Variants in TLN2 observed in about 807,000 individuals in gnomAD.
TLN2 encodes talin 2.
Under a neutral mutation model 294.7 loss-of-function variants are expected in TLN2, and 118 were observed. That is an observed-to-expected ratio of 0.40 (90% CI 0.34 to 0.47). TLN2 has a LOEUF of 0.47. TLN2 is among the 20% of genes least tolerant of loss of function. The pLI is 0.84. For missense variants in TLN2, 3,083 were observed against 3,282.2 expected, an observed-to-expected ratio of 0.94 and a Z score of 1.48; for synonymous variants, 1,431 against 1,304.5, an observed-to-expected ratio of 1.10 and a Z score of -2.09.
chr15:62,840,648 C>T lies in TLN2; in HGVS notation c.*38C>T. ...AGATGGCGAGCCCCAGGGGATGGCC[C>T]TGGCTGAACTGGACAGACAGTGTTC... On this transcript the variant is annotated 3_prime_UTR_variant, in exon 59 of 59. Transcript: ENST00000636159. 1 of 1,604,438 alleles carries T rather than the reference C, an allele frequency of 6.2e-7. No homozygotes were observed. Among genetic ancestry groups the T allele is most frequent in the South Asian group, 1.1e-5 (1 of 89,474 alleles).
At chr15:62,448,654 A>G (rs1215192788) in intron 1 of TLN2, among the ~76,000 whole-genome samples, 1 of 152,186 alleles carries the variant, frequency 6.6e-6, no homozygotes, top group Non-Finnish European at 1.5e-5. Flanking sequence ...CACAGAGAGA[A>G]ATGCTGAGGT....
rs117471225 is a variant in TLN2 at position 62,781,780 on chromosome 15, A to G, written c.5616+539A>G. 4.2e-3 allele frequency among the ~76,000 whole-genome samples: 635 copies of G among 152,348 alleles called. 1 individual carries two copies. Among genetic ancestry groups the G allele is most frequent in the Non-Finnish European group, 5.9e-3 (399 of 68,034 alleles). ...AAAAAAAATTCCGACAGTAGAAGGCATACAACTTTTGGAGGTAATGTTTTG... is the reference window on the plus strand; with the variant it reads ...AAAAAAAATTCCGACAGTAGAAGGCGTACAACTTTTGGAGGTAATGTTTTG... On this transcript the variant is annotated intron_variant, in intron 44 of 58. Coordinates refer to ENST00000636159, the MANE Select transcript of TLN2 (RefSeq NM_015059.3).
intron 46 of TLN2, among the ~76,000 whole-genome samples, chr15:62,795,193 T>A (rs2065383141): frequency 6.6e-6 from 1 of 152,052 alleles, no homozygotes; most frequent in Non-Finnish European, 1.5e-5. Flanking sequence ...CACTTTGGCA[T>A]CTGACGGGGC....
At chr15:62,470,520 C>T (rs2140360393) in intron 1 of TLN2, among the ~76,000 whole-genome samples, 1 of 152,370 alleles carries the variant, frequency 6.6e-6, no homozygotes, top group Non-Finnish European at 1.5e-5. Flanking sequence ...GCTGGCCCTT[C>T]ACAGGCCTCA....
rs537558383 is a variant in TLN2 at position 62,820,577 on chromosome 15, G to A, written c.6969G>A (p.Lys2323=). 1.0e-4 allele frequency: 166 copies of A among 1,613,856 alleles called. No homozygotes were observed. The highest frequency in any genetic ancestry group is 6.6e-4 in the South Asian group (60 of 91,078). Residue 2323 remains lysine (K), a synonymous_variant, in exon 54 of 59, where the codon AAG becomes AAA. Transcript: ENST00000636159. The stretch of plus-strand genomic sequence containing the variant: ...CATCCATCGAAGCTGCTGCTAAGAA[G>A]TTAGAGCAACTGAAGCCAAGAGCAA... The part of the protein sequence containing the change: ...AAASIEAAAK[K]LEQLKPRAKP...
chr15:62,759,680 G>A (rs904205727), intron 37 of TLN2, among the ~76,000 whole-genome samples: 8 of 152,214 alleles, frequency 5.3e-5, no homozygotes, highest in African/African-American at 1.9e-4. Flanking sequence ...GCAGCACCAA[G>A]GGAAGGCTGA....
At chr15:62,621,613 G>A (rs950944248) in intron 3 of TLN2, among the ~76,000 whole-genome samples, 4 of 152,148 alleles carry the variant, frequency 2.6e-5, no homozygotes, top group African/African-American at 9.7e-5. Flanking sequence ...TCATATGAAG[G>A]GGTGGCAGAG....
At chr15:62,699,922 C>G (rs935375892) in intron 16 of TLN2, among the ~76,000 whole-genome samples, 1 of 152,208 alleles carries the variant, frequency 6.6e-6, no homozygotes, top group Non-Finnish European at 1.5e-5. Flanking sequence ...TTGACAACCA[C>G]TGTTGTAGGA....
intron 9 of TLN2, among the ~76,000 whole-genome samples, chr15:62,659,016 G>T (rs1320189): frequency 6.6e-6 from 1 of 152,112 alleles, no homozygotes; most frequent in African/African-American, 2.4e-5. Flanking sequence ...GAAATAAAAC[G>T]TTTACCTATT....
intron 34 of TLN2, 130 bp from the exon 35 acceptor site, chr15:62,752,175 A>T: frequency 8.0e-7 from 1 of 1,255,426 alleles, no homozygotes; most frequent in Non-Finnish European, 1.1e-6. Context: ...TTTTTAATCC[A>T]AATAAAGGAG....
rs1158461465 is a variant in TLN2, at chr15:62,829,160, AAT to A, written c.7003-4337_7003-4336del. ...GGGTACATAGTAGGTATATATATAT[AAT>A]ATATATTATATTATATATATATAAT... is the stretch of plus-strand genomic sequence containing the variant. On this transcript the variant is annotated intron_variant, in intron 54 of 58. Transcript: ENST00000636159. 5 of 4,750 alleles carry A rather than the reference AAT, an allele frequency of 1.1e-3. No individual in the cohort carries two copies. In the East Asian group the frequency reaches 0.21, roughly 198 times the overall value. The allele number at this position is 4,750 out of a possible 1,614,324, so 0.3% of individuals were successfully genotyped here. A position where few individuals can be genotyped will look rare whatever the true frequency, so the allele number is the denominator to read the frequency against.
At chr15:62,655,290 T>G (rs1187524016) in intron 7 of TLN2, among the ~76,000 whole-genome samples, 1 of 152,150 alleles carries the variant, frequency 6.6e-6, no homozygotes, top group Admixed American at 6.5e-5. Flanking sequence ...AGAGGAGTGT[T>G]GGAGTGAGAG....
rs545175625 is a variant in TLN2, at chr15:62,841,180, C to T, written c.*570C>T. The T allele has an allele frequency of 6.5e-6, 1 of 152,908 alleles. No individual in the cohort carries two copies. Among genetic ancestry groups the T allele is most frequent in the Admixed American group, 6.5e-5 (1 of 15,306 alleles). The allele number at this position is 152,908 out of a possible 1,614,324, so 9.5% of individuals were successfully genotyped here. A position where few individuals can be genotyped will look rare whatever the true frequency, so the allele number is the denominator to read the frequency against. Reference sequence around the variant, plus strand: ...AAAAATTCCCGCCCCTGTTTGCACGCTTTCTTGCCTCCGTGTGTAAGCTCC... The same window carrying T: ...AAAAATTCCCGCCCCTGTTTGCACGTTTTCTTGCCTCCGTGTGTAAGCTCC... On this transcript the variant is annotated 3_prime_UTR_variant, in exon 59 of 59. Transcript: ENST00000636159.
In TLN2 at chr15:62,755,533, T is replaced by A; in HGVS notation, c.4478T>A (p.Val1493Asp). The A allele has an allele frequency of 6.2e-7, 1 of 1,614,052 alleles. No homozygotes were observed. Among genetic ancestry groups the A allele is most frequent in the Non-Finnish European group, 8.5e-7 (1 of 1,179,940 alleles). Residue 1493 changes from valine (V) to aspartate (D), a missense_variant and splice_region_variant, in exon 37 of 59, where the codon GTC becomes GAC. Physicochemically the swap from Val to Asp is radical, Grantham distance 152. Coordinates refer to ENST00000636159, the MANE Select transcript of TLN2 (RefSeq NM_015059.3). ...CCAACCTAGCTCCATGCTTTGTAGG[T>A]CCTGTCAGCCGCCACAATTGTTGCC... ...LVDPGSSPSQ[V>D]LSAATIVAKH... is the part of the protein sequence containing the mutation.
intron 1 of TLN2, among the ~76,000 whole-genome samples, chr15:62,440,903 G>A (rs560238084): frequency 1.3e-4 from 20 of 152,280 alleles, no homozygotes; most frequent in African/African-American, 4.8e-4. Flanking sequence ...TCTGAAGGAA[G>A]CAGTCTATAA....
intron 28 of TLN2, among the ~76,000 whole-genome samples, chr15:62,732,089 G>T (rs1301472276): frequency 6.6e-6 from 1 of 152,182 alleles, no homozygotes; most frequent in African/African-American, 2.4e-5. Context: ...GACTCCTTTA[G>T]CATTCTAGGA....
At chr15:62,494,875 G>T (rs1444329699) in intron 1 of TLN2, among the ~76,000 whole-genome samples, 2 of 152,136 alleles carry the variant, frequency 1.3e-5, no homozygotes, top group East Asian at 3.9e-4. Flanking sequence ...CTGTCAGTCT[G>T]CTTGGCTCCT....
chr15:62,576,565 C>A (rs2044418468), intron 1 of TLN2, among the ~76,000 whole-genome samples: 1 of 148,096 alleles, frequency 6.8e-6, no homozygotes, highest in African/African-American at 2.5e-5. Flanking sequence ...CAGAGACCCA[C>A]AGAGAGACAT....
chr15:62,642,514 A>G (rs1406484291), intron 3 of TLN2, among the ~76,000 whole-genome samples: 1 of 152,216 alleles, frequency 6.6e-6, no homozygotes, highest in African/African-American at 2.4e-5. Context: ...ATCACAGTGG[A>G]CAAGGAGCAT....
Sources: gnomAD v4.1 joint callset for allele counts (sites outside exome capture counted in the v4.1 genomes callset) on GRCh38, gnomAD v4.1.1 for gene constraint, MANE v1.5 for transcripts, NCBI Gene and HGNC (gene_info 2026-07-23, HGNC 2026-07-21) for gene names.